The following WASHC2C variants were observed in gnomAD, a reference collection of about 807,000 sequenced individuals.
WASHC2C encodes Vaccinia Penetration Factor.
Under a neutral mutation model 142.2 loss-of-function variants are expected in WASHC2C, and 73 were observed. The observed-to-expected ratio is 0.51, with a 90% confidence interval of 0.43 to 0.62. The LOEUF is 0.62. WASHC2C is among the 20% of genes least tolerant of loss of function. WASHC2C has a pLI of 0.00. For missense variants in WASHC2C, 969 were observed against 1,531.7 expected (o/e 0.63, Z 6.13); for synonymous variants, 337 against 565.5 (o/e 0.60, Z 5.73).
intron 15 of WASHC2C, among the ~76,000 whole-genome samples, chr10:45,755,534 CT>C (rs2054159391): frequency 6.6e-6 from 1 of 152,308 alleles, no homozygotes; most frequent in African/African-American, 2.4e-5. Flanking sequence ...TGGCCTTGGT[CT>C]TTCCTCAGAT....
intron 3 of WASHC2C, among the ~76,000 whole-genome samples, chr10:45,731,173 C>T (rs2050528684): frequency 6.9e-6 from 1 of 145,644 alleles, no homozygotes. Context: ...CTGTCCAATA[C>T]TGGGGATTTC....
chr10:45,743,478 G>T lies in WASHC2C; in HGVS notation c.617G>T (p.Ser206Ile). The T allele has an allele frequency of 6.2e-7, 1 of 1,611,498 alleles. No individual in the cohort carries two copies. Among genetic ancestry groups the T allele is most frequent in the Non-Finnish European group, 8.5e-7 (1 of 1,179,686 alleles). The change falls in exon 6 of 31, where the codon AGT (serine) becomes ATT (isoleucine). Residue 206 changes from serine to isoleucine, a missense_variant. Ser to Ile is a moderately radical substitution (Grantham distance 142). Transcript: ENST00000623400. ...QEDVGLGELS[S>I]EEGSVGSDRG... Reference sequence around the variant, plus strand: ...GATGTAGGTCTTGGAGAGCTGTCCAGTGAAGGTACTTTTCTTCACCAAATA... The same window carrying T: ...GATGTAGGTCTTGGAGAGCTGTCCATTGAAGGTACTTTTCTTCACCAAATA...
intron 23 of WASHC2C, among the ~76,000 whole-genome samples, chr10:45,779,983 C>CAAA (rs1212129330): frequency 0.012 from 791 of 68,662 alleles, 2 homozygotes; most frequent in East Asian, 0.021. Flanking sequence ...GACTCCATCT[C>CAAA]AAAAAAAAAA....
chr10:45,756,660 A>G lies in WASHC2C; in HGVS notation c.1421-352A>G, dbSNP rs1236987865. On this transcript the variant is annotated intron_variant, in intron 15 of 30. Coordinates refer to ENST00000623400, the MANE Select transcript of WASHC2C (RefSeq NM_001330074.2). Reference sequence around the variant, plus strand: ...CAGGAGCCAAGCCTTCATTTCTCAGATTCCTTAGATGATTGACTTGGTGGC... The same window carrying G: ...CAGGAGCCAAGCCTTCATTTCTCAGGTTCCTTAGATGATTGACTTGGTGGC... 1.5e-4 allele frequency among the ~76,000 whole-genome samples: 23 copies of G among 152,164 alleles called. No homozygotes were observed. The East Asian group carries it at 2.9e-3, about 19-fold the overall frequency.
intron 4 of WASHC2C, among the ~76,000 whole-genome samples, chr10:45,739,607 G>GTATTT (rs782130395): frequency 7.0e-6 from 1 of 142,834 alleles, no homozygotes; most frequent in African/African-American, 2.6e-5. Context: ...TAATTGTCCA[G>GTATTT]TTTTTTTTTT....
At position 45,752,674 on chromosome 10, in the gene WASHC2C, G is replaced by T; in HGVS notation, c.1090G>T (p.Gly364Cys). ...CTCTGGAGGTGGCCTGTTCAGTGGC[G>T]GCAAGGGGCTATTTGATGATGAGGA... ...FGSGGGLFSG[G>C]KGLFDDEDEE... Residue 364 changes from glycine to cysteine, a missense_variant, in exon 12 of 31, where the codon GGC becomes TGC. By Grantham distance (159) the Gly-to-Cys change is radical (BLOSUM62 -3). Coordinates refer to ENST00000623400, the MANE Select transcript of WASHC2C (RefSeq NM_001330074.2). 6.2e-7 allele frequency: 1 copy of T among 1,609,436 alleles called. No individual in the cohort carries two copies. The highest frequency in any genetic ancestry group is 1.4e-5 in the African/African-American group (1 of 73,890).
rs782072881 is a variant in WASHC2C, at chr10:45,737,768, ATTTTTTT to A, written c.292-201_292-195del. 3.4e-3 allele frequency among the ~76,000 whole-genome samples: 461 copies of A among 135,756 alleles called. 7 individuals carry two copies. Among genetic ancestry groups the A allele is most frequent in the Non-Finnish European group, 2.9e-3 (177 of 62,052 alleles). 89.1% of individuals were successfully genotyped at this position (135,756 alleles called of 152,430 possible). ...ATGTTTCCTAGTCATTTGTATTTAA[ATTTTTTT>A]TTTTTTTTTTTTTGGTGAATGGACT... On this transcript the variant is annotated intron_variant, in intron 3 of 30. Coordinates refer to ENST00000623400, the MANE Select transcript of WASHC2C (RefSeq NM_001330074.2).
intron 21 of WASHC2C, among the ~76,000 whole-genome samples, chr10:45,773,573 A>G (rs2056800592): frequency 6.6e-6 from 1 of 152,300 alleles, no homozygotes; most frequent in South Asian, 2.1e-4. Flanking sequence ...TGTAGGCACA[A>G]GGAACTGGGT....
At chr10:45,738,148 A>G (rs1296943856) in intron 4 of WASHC2C, 103 bp downstream of exon 4, 6 of 1,610,658 alleles carry the variant, frequency 3.7e-6, no homozygotes, top group South Asian at 3.3e-5. Flanking sequence ...GGGGTTGGGA[A>G]AGGGAGGGAC....
chr10:45,729,556 G>T (rs535143147), intron 3 of WASHC2C, among the ~76,000 whole-genome samples: 167 of 152,122 alleles, frequency 1.1e-3, no homozygotes, highest in African/African-American at 3.7e-3. Context: ...TCTATTTACT[G>T]TTTCTTCTAG....
chr10:45,761,893 A>G (rs1411325151), intron 17 of WASHC2C, among the ~76,000 whole-genome samples: 4 of 152,264 alleles, frequency 2.6e-5, no homozygotes, highest in African/African-American at 7.2e-5. Flanking sequence ...GGCCTCTTCT[A>G]TCTAAATAAA....
rs1226705563 is a variant in WASHC2C at position 45,749,384 on chromosome 10, G to A, written c.733-712G>A. ...TAGGAGGCGGAGGTTGCAGTGAGCC[G>A]AGATCACCCCATTGCACTTCAGCCT... On this transcript the variant is annotated intron_variant, in intron 8 of 30. Coordinates refer to ENST00000623400, the MANE Select transcript of WASHC2C (RefSeq NM_001330074.2). Among the ~76,000 whole-genome samples the A allele has an allele frequency of 9.3e-5, 14 of 151,002 alleles. No individual in the cohort carries two copies. The East Asian group carries it at 2.2e-3, about 23-fold the overall frequency.
chr10:45,776,950 A>G (rs1435703924), intron 21 of WASHC2C, among the ~76,000 whole-genome samples: 1 of 149,638 alleles, frequency 6.7e-6, no homozygotes, highest in Admixed American at 6.7e-5. Context: ...TAGTTGAAAT[A>G]TAAGAGGAGT....
At chr10:45,755,653 A>C (rs1433479453) in intron 15 of WASHC2C, among the ~76,000 whole-genome samples, 2 of 152,252 alleles carry the variant, frequency 1.3e-5, no homozygotes, top group Non-Finnish European at 2.9e-5. Flanking sequence ...TTAAATGTGC[A>C]GATGAATCTT....
intron 20 of WASHC2C, among the ~76,000 whole-genome samples, chr10:45,770,838 T>A (rs1423655717): frequency 2.0e-5 from 3 of 152,160 alleles, no homozygotes; most frequent in Non-Finnish European, 4.4e-5. Context: ...CCTCATTTGT[T>A]AAACAAAAAT....
At chr10:45,737,268 C>CAT in intron 3 of WASHC2C, among the ~76,000 whole-genome samples, 1 of 132,428 alleles carries the variant, frequency 7.6e-6, no homozygotes, top group Admixed American at 8.2e-5. Context: ...CGTGAGCCAC[C>CAT]GCACCTGGCC....
rs190513951 is a variant in WASHC2C at position 45,749,701 on chromosome 10, G to A, written c.733-395G>A. Reference sequence around the variant, plus strand: ...ATTTGCTGGGCGTAGTGGTGCATGCGTGTAATCCCAGCTACTCGGAAGGCC... The same window carrying A: ...ATTTGCTGGGCGTAGTGGTGCATGCATGTAATCCCAGCTACTCGGAAGGCC... On this transcript the variant is annotated intron_variant, in intron 8 of 30. Transcript: ENST00000623400. Among the ~76,000 whole-genome samples, 1,080 of 149,456 alleles carry A rather than the reference G, an allele frequency of 7.2e-3. 18 individuals are homozygous for A. The highest frequency in any genetic ancestry group is 0.025 in the African/African-American group (1,018 of 40,420).
intron 18 of WASHC2C, among the ~76,000 whole-genome samples, chr10:45,764,898 G>C (rs1327889345): frequency 2.0e-5 from 3 of 151,304 alleles, no homozygotes; most frequent in Admixed American, 6.6e-5. Context: ...CTACATTACC[G>C]CACTCTCCTT....
At position 45,778,945 on chromosome 10, in the gene WASHC2C, A is replaced by G. The variant is rs1371420544; in HGVS notation, c.2296-8A>G. On this transcript the variant is annotated splice_region_variant and splice_polypyrimidine_tract_variant and intron_variant, in intron 22 of 30. Transcript: ENST00000623400. The stretch of plus-strand genomic sequence containing the variant: ...CTTATTTTTTCCCCCTATTATTTTC[A>G]TTTTCAGGAAGGACTTTTGACTAGA... 7 of 1,329,112 alleles carry G rather than the reference A, an allele frequency of 5.3e-6. No individual in the cohort carries two copies. Among genetic ancestry groups the G allele is most frequent in the Non-Finnish European group, 7.4e-6 (7 of 950,620 alleles). 82.3% of individuals were successfully genotyped at this position (1,329,112 alleles called of 1,614,324 possible). A position where few individuals can be genotyped will look rare whatever the true frequency, so the allele number is the denominator to read the frequency against.
Sources: allele counts gnomAD v4.1 joint callset (sites outside exome capture counted in the v4.1 genomes callset), GRCh38; gene constraint gnomAD v4.1.1; transcripts MANE v1.5; gene names NCBI Gene and HGNC (gene_info 2026-07-23, HGNC 2026-07-21).